The following ATR variants were observed in gnomAD, a reference collection of about 807,000 sequenced individuals.
ATR encodes ATR checkpoint kinase.
A neutral mutation model predicts 305.3 loss-of-function variants in ATR; 142 were observed. That is an observed-to-expected ratio of 0.47 (90% CI 0.41 to 0.53). The LOEUF is 0.53. Ranked by LOEUF, ATR falls within the 20% of genes least tolerant of loss-of-function variation. The probability of loss-of-function intolerance (pLI) is 0.00; values close to 1 mark genes in which losing one functional copy is unlikely to be tolerated. For missense variants in ATR, 2,135 were observed against 3,133.1 expected, an observed-to-expected ratio of 0.68 and a Z score of 7.60; for synonymous variants, 1,050 against 1,068.1, an observed-to-expected ratio of 0.98 and a Z score of 0.33.
chr3:142,489,657 G>A (rs940996014), intron 35 of ATR, among the ~76,000 whole-genome samples: 1 of 152,082 alleles, frequency 6.6e-6, no homozygotes, highest in African/African-American at 2.4e-5. Context: ...TCTTCTTACT[G>A]TAGGGTAGTA....
intron 24 of ATR, 146 bp from the exon 25 acceptor site, chr3:142,515,661 G>A: frequency 1.1e-6 from 1 of 874,150 alleles, no homozygotes; most frequent in Non-Finnish European, 1.8e-6. Flanking sequence ...TCCTTCTTAG[G>A]GGTGAAGTAG....
intron 4 of ATR, among the ~76,000 whole-genome samples, chr3:142,561,881 T>C (rs781163754): frequency 6.6e-6 from 1 of 152,232 alleles, no homozygotes; most frequent in African/African-American, 2.4e-5. Flanking sequence ...TAAAAGTGAT[T>C]GATTATAACT....
intron 40 of ATR, 107 bp from the exon 41 acceptor site, chr3:142,465,347 C>CTA (rs1397737794): frequency 1.2e-6 from 1 of 820,444 alleles, no homozygotes; most frequent in Admixed American, 2.6e-5. Flanking sequence ...ATATTACCAG[C>CTA]TATATTATGT....
At chr3:142,552,268 C>T (rs545794616) in intron 13 of ATR, among the ~76,000 whole-genome samples, 2 of 152,228 alleles carry the variant, frequency 1.3e-5, no homozygotes, top group East Asian at 3.9e-4. Context: ...TACCATTTGA[C>T]CCAGCAATCC....
intron 45 of ATR, among the ~76,000 whole-genome samples, chr3:142,454,874 A>G (rs1298178359): frequency 6.6e-6 from 1 of 152,218 alleles, no homozygotes; most frequent in Admixed American, 6.5e-5. Context: ...CAGGAACAAG[A>G]CAAGGATGTC....
At chr3:142,565,767 A>G (rs1040307806) in intron 3 of ATR, among the ~76,000 whole-genome samples, 6 of 150,818 alleles carry the variant, frequency 4.0e-5, no homozygotes, top group Non-Finnish European at 7.4e-5. Context: ...AAGGAAACAA[A>G]ACAAAACACC....
intron 36 of ATR, among the ~76,000 whole-genome samples, chr3:142,470,847 G>A (rs150983275): frequency 6.6e-6 from 1 of 152,080 alleles, no homozygotes; most frequent in Non-Finnish European, 1.5e-5. Flanking sequence ...GGTAAAATTT[G>A]TGAAAAGTTA....
Position 142,493,244 on chromosome 3 carries a change from GT to G in ATR, c.5965del (p.Thr1989ProfsTer9). Reference sequence around the variant, plus strand: ...TAACATGTTCTTACCCTCAGGTGGGGTTTCATTTTCAGGAAAACATAATTCA... The same window carrying G: ...TAACATGTTCTTACCCTCAGGTGGGGTTCATTTTCAGGAAAACATAATTCA... ...GVELCFPENE[T>X]PPEGKNMLIH... On this transcript the variant is annotated frameshift_variant, in exon 35 of 47. Transcript: ENST00000350721. LOFTEE classifies it high-confidence loss of function. 2 of 1,613,726 alleles carry G rather than the reference GT, an allele frequency of 1.2e-6. No individual in the cohort carries two copies. Among genetic ancestry groups the G allele is most frequent in the African/African-American group, 1.3e-5 (1 of 74,990 alleles).
At chr3:142,576,586 A>T (rs1228113043) in intron 1 of ATR, among the ~76,000 whole-genome samples, 1 of 152,192 alleles carries the variant, frequency 6.6e-6, no homozygotes, top group Non-Finnish European at 1.5e-5. Flanking sequence ...GAGAAAAATA[A>T]TTTTTTTAAT....
intron 1 of ATR, among the ~76,000 whole-genome samples, chr3:142,573,409 G>A (rs988536234): frequency 8.9e-5 from 12 of 134,310 alleles, no homozygotes; most frequent in Non-Finnish European, 4.6e-5. Flanking sequence ...AGCCAAGATC[G>A]CACCACTGCA....
rs1245720062 is a variant in ATR, at chr3:142,540,997, C to A, written c.3488G>T (p.Gly1163Val). ...CCTCACAGAACTGACATGTTTGGGT[C>A]CCATTAACTTCATCAAAGACATCAA... is the stretch of plus-strand genomic sequence containing the variant. ...NSLMSLMKLMGPKHVSSVRVK... is the reference protein window; with the variant it reads ...NSLMSLMKLMVPKHVSSVRVK... The change falls in exon 18 of 47, where the codon GGA (glycine) becomes GTA (valine). Residue 1163 changes from glycine to valine, a missense_variant. Physicochemically the swap from Gly to Val is moderately radical, Grantham distance 109 (BLOSUM62 -3). Around this residue, in one of 9 missense-constraint regions of ATR, gnomAD observed 530 missense variants for 766.8 expected, o/e 0.69. Transcript: ENST00000350721. 1 of 1,613,546 alleles carries A rather than the reference C, an allele frequency of 6.2e-7. No homozygotes were observed. Among genetic ancestry groups the A allele is most frequent in the South Asian group, 1.1e-5 (1 of 91,056 alleles).
chr3:142,543,171 C>T lies in ATR; in HGVS notation c.3358-414G>A, dbSNP rs144752613. The stretch of plus-strand genomic sequence containing the variant: ...CATTTAGAGCTATGGTAGAAAAGTA[C>T]GATTAAGGAAAAGGTATTCTACCAG... On this transcript the variant is annotated intron_variant, in intron 16 of 46. Coordinates refer to ENST00000350721, the MANE Select transcript of ATR (RefSeq NM_001184.4). Among the ~76,000 whole-genome samples, 149 of 152,072 alleles carry T rather than the reference C, an allele frequency of 9.8e-4. 3 individuals carry two copies. The East Asian group carries it at 0.023, about 23-fold the overall frequency.
chr3:142,540,502 T>A (rs927075058), intron 18 of ATR, among the ~76,000 whole-genome samples: 4 of 152,154 alleles, frequency 2.6e-5, no homozygotes, highest in African/African-American at 9.7e-5. Context: ...CTAAGTATAA[T>A]AATTCATGAA....
chr3:142,559,234 T>G lies in ATR; in HGVS notation c.1732+17A>C. ...ATCTTTAAAGGTTATTCTGATCTGT[T>G]GCTAATTTGTACTCACCTTGCATAT... On this transcript the variant is annotated intron_variant, in intron 7 of 46. Transcript: ENST00000350721. 1 of 1,607,098 alleles carries G rather than the reference T, an allele frequency of 6.2e-7. No individual in the cohort carries two copies. The highest frequency in any genetic ancestry group is 8.5e-7 in the Non-Finnish European group (1 of 1,174,148).
At chr3:142,546,065 C>T (rs145497219) in intron 16 of ATR, among the ~76,000 whole-genome samples, 10 of 152,116 alleles carry the variant, frequency 6.6e-5, no homozygotes, top group Non-Finnish European at 1.0e-4. Flanking sequence ...GGACACTGAC[C>T]GGACTGCATT....
In ATR at chr3:142,498,563, G is replaced by C. The variant is rs2031776070; in HGVS notation, c.5558+34C>G. ...CCAATCCTGTCAGGTGACATTTATA[G>C]GCCAGAAATATAAAAATGGAAATTC... On this transcript the variant is annotated intron_variant, in intron 32 of 46. Transcript: ENST00000350721. The C allele has an allele frequency of 3.7e-6, 6 of 1,604,126 alleles. No individual in the cohort carries two copies. In the African/African-American group the frequency reaches 8.0e-5, roughly 21 times the overall value.
intron 1 of ATR, among the ~76,000 whole-genome samples, chr3:142,570,336 T>C (rs563872977): frequency 9.2e-5 from 14 of 152,342 alleles, no homozygotes; most frequent in Middle Eastern, 3.4e-3. Context: ...AAAGAAATCA[T>C]TGCCAAATCC....
At chr3:142,558,544 A>AG in intron 8 of ATR, 80 bp downstream of exon 8, 1 of 1,031,878 alleles carries the variant, frequency 9.7e-7, no homozygotes. Context: ...ATAAATAAAT[A>AG]AATAAATAAA....
intron 25 of ATR, among the ~76,000 whole-genome samples, chr3:142,515,087 ACT>A (rs997010118): frequency 6.6e-6 from 1 of 152,046 alleles, no homozygotes; most frequent in African/African-American, 2.4e-5. Flanking sequence ...TATGTAAAAA[ACT>A]CTGACATAGC....
Sources: gnomAD v4.1 joint callset for allele counts (sites outside exome capture counted in the v4.1 genomes callset) on GRCh38, gnomAD v4.1.1 for gene constraint, gnomAD v4.1.1 regional missense constraint, MANE v1.5 for transcripts, NCBI Gene and HGNC (gene_info 2026-07-23, HGNC 2026-07-21) for gene names.